MTUS2: variants seen among roughly 807,000 people sequenced by gnomAD.
MTUS2 encodes the protein microtubule-associated tumor suppressor candidate 2.
Under a neutral mutation model 114.1 loss-of-function variants are expected in MTUS2, and 40 were observed. That is an observed-to-expected ratio of 0.35 (90% confidence interval 0.27 to 0.46). The LOEUF (loss-of-function observed/expected upper bound fraction) is 0.46, where lower values mean the gene tolerates loss of function less well. Ranked by LOEUF, MTUS2 falls within the 20% of genes least tolerant of loss-of-function variation. The pLI, the probability that MTUS2 is intolerant of heterozygous loss-of-function variation, is 1.00. For synonymous variants in MTUS2, 688 were observed against 672.0 expected (o/e 1.02, Z -0.37); for missense variants, 1,679 against 1,705.4 (o/e 0.98, Z 0.27).
intron 2 of MTUS2, among the ~76,000 whole-genome samples, chr13:29,015,032 G>C (rs61946422): frequency 0.11 from 16,842 of 152,242 alleles, 1,123 homozygotes; most frequent in Non-Finnish European, 0.15. Flanking sequence ...GCTAGACCTA[G>C]AGGCCACCCA....
chr13:29,056,869 G>T (rs951245358), intron 4 of MTUS2, among the ~76,000 whole-genome samples: 3 of 151,690 alleles, frequency 2.0e-5, no homozygotes, highest in Non-Finnish European at 4.4e-5. Flanking sequence ...GGTTGGTTTG[G>T]TCTTGTTTCT....
chr13:28,891,053 CT>C (rs1878893082), intron 2 of MTUS2, among the ~76,000 whole-genome samples: 1 of 152,222 alleles, frequency 6.6e-6, no homozygotes, highest in Middle Eastern at 3.2e-3. Flanking sequence ...CAGTTTTCCC[CT>C]CTGGACGAGC....
At chr13:29,361,119 A>G (rs1312406205) in intron 8 of MTUS2, among the ~76,000 whole-genome samples, 1 of 152,172 alleles carries the variant, frequency 6.6e-6, no homozygotes, top group Admixed American at 6.5e-5. Flanking sequence ...ATGTTCCAGG[A>G]AAATTCCTTG....
At chr13:29,389,369 G>A (rs866624204) in intron 8 of MTUS2, among the ~76,000 whole-genome samples, 1,808 of 52,878 alleles carry the variant, frequency 0.034, 152 homozygotes, top group African/African-American at 0.044. Context: ...GTATGCACGT[G>A]TGTGTATATA....
chr13:28,935,322 A>T (rs1473781671), intron 2 of MTUS2, among the ~76,000 whole-genome samples: 1 of 152,092 alleles, frequency 6.6e-6, no homozygotes, highest in Non-Finnish European at 1.5e-5. Flanking sequence ...TAGGATGTAC[A>T]TATGTTGAGT....
chr13:29,061,562 G>A (rs1290555771), intron 4 of MTUS2, among the ~76,000 whole-genome samples: 1 of 150,698 alleles, frequency 6.6e-6, no homozygotes, highest in Non-Finnish European at 1.5e-5. Context: ...CCTCCTCTCT[G>A]TCCCATACAT....
intron 5 of MTUS2, among the ~76,000 whole-genome samples, chr13:29,178,380 T>C (rs763740559): frequency 6.6e-6 from 1 of 152,186 alleles, no homozygotes; most frequent in Non-Finnish European, 1.5e-5. Flanking sequence ...AAAAAGAATT[T>C]TGGAATAATC....
At chr13:29,070,878 A>G (rs9508256) in intron 4 of MTUS2, among the ~76,000 whole-genome samples, 27,402 of 151,554 alleles carry the variant, frequency 0.18, 2,904 homozygotes, top group Non-Finnish European at 0.24. Flanking sequence ...TTCCTTCTGC[A>G]TTTTAGACAA....
At chr13:29,407,181 G>T (rs116022922) in intron 8 of MTUS2, among the ~76,000 whole-genome samples, 1,808 of 152,234 alleles carry the variant, frequency 0.012, 33 homozygotes, top group African/African-American at 0.041. Flanking sequence ...CAGAGGCAGG[G>T]GTTGCAGTGA....
chr13:28,826,592 A>G (rs1344046435), intron 1 of MTUS2, among the ~76,000 whole-genome samples: 1 of 152,220 alleles, frequency 6.6e-6, no homozygotes, highest in East Asian at 1.9e-4. Context: ...ATTAGGGCCA[A>G]ACCAGTATTG....
chr13:29,348,850 A>G (rs981270119), intron 7 of MTUS2, among the ~76,000 whole-genome samples: 40 of 152,176 alleles, frequency 2.6e-4, no homozygotes, highest in Admixed American at 2.4e-3. Flanking sequence ...TGCTTTTTTC[A>G]TTGTTAATAG....
chr13:29,040,203 G>T (rs1174587872), intron 4 of MTUS2, among the ~76,000 whole-genome samples: 2 of 152,144 alleles, frequency 1.3e-5, no homozygotes, highest in African/African-American at 4.8e-5. Flanking sequence ...CCACTTATGC[G>T]TGAGAACATA....
intron 8 of MTUS2, among the ~76,000 whole-genome samples, chr13:29,437,147 C>G (rs1352563832): frequency 6.6e-6 from 1 of 152,092 alleles, no homozygotes; most frequent in Non-Finnish European, 1.5e-5. Context: ...TGACAGGGAG[C>G]TGGGGGAGAT....
At chr13:28,870,583 T>G (rs1407231700) in intron 2 of MTUS2, among the ~76,000 whole-genome samples, 1 of 152,218 alleles carries the variant, frequency 6.6e-6, no homozygotes, top group East Asian at 1.9e-4. Flanking sequence ...AATTATTTTG[T>G]TTGATTAAAT....
intron 7 of MTUS2, among the ~76,000 whole-genome samples, chr13:29,352,161 C>G (rs1203475453): frequency 3.3e-5 from 5 of 152,134 alleles, no homozygotes; most frequent in Non-Finnish European, 7.3e-5. Flanking sequence ...TGAGTTAAAT[C>G]CTAATTTGGT....
intron 6 of MTUS2, among the ~76,000 whole-genome samples, chr13:29,285,353 A>G (rs984810781): frequency 1.3e-5 from 2 of 152,190 alleles, no homozygotes; most frequent in African/African-American, 4.8e-5. Context: ...GTGAGGGGGA[A>G]GTTTCTCTTT....
chr13:29,028,737 A>G lies in MTUS2; in HGVS notation c.2205+1834A>G, dbSNP rs112158680. ...CTTTTTTAGTTTTCCTGAATTGACT[A>G]TAATGTAAACTCCATGAGGGAAGGG... On this transcript the variant is annotated intron_variant, in intron 3 of 15. Transcript: ENST00000612955. 2.7e-3 allele frequency among the ~76,000 whole-genome samples: 410 copies of G among 152,188 alleles called. 1 individual carries two copies. Among genetic ancestry groups the G allele is most frequent in the African/African-American group, 9.5e-3 (393 of 41,522 alleles).
chr13:29,142,539 A>G (rs1892268481), intron 5 of MTUS2, among the ~76,000 whole-genome samples: 1 of 152,092 alleles, frequency 6.6e-6, no homozygotes, highest in Non-Finnish European at 1.5e-5. Flanking sequence ...CCCCGTCTCT[A>G]CTAAAAAAAT....
intron 1 of MTUS2, among the ~76,000 whole-genome samples, chr13:28,834,854 C>A (rs1469161411): frequency 6.6e-6 from 1 of 151,592 alleles, no homozygotes; most frequent in Non-Finnish European, 1.5e-5. Context: ...AAAGACAACC[C>A]AATTAAAAAT....
Sources: allele counts gnomAD v4.1 joint callset (sites outside exome capture counted in the v4.1 genomes callset), GRCh38; gene constraint gnomAD v4.1.1; transcripts MANE v1.5; gene names NCBI Gene and HGNC (gene_info 2026-07-23, HGNC 2026-07-21).